Variants in VSTM2L observed in about 807,000 individuals in gnomAD.
VSTM2L encodes V-set and transmembrane domain containing 2 like, also known as V-set and transmembrane domain-containing protein 2-like protein.
VSTM2L carries 9 observed loss-of-function variants against 19.9 expected under a neutral mutation model. That is an observed-to-expected ratio of 0.45 (90% CI 0.27 to 0.79). The LOEUF (loss-of-function observed/expected upper bound fraction) is 0.79. VSTM2L is among the 30% of genes least tolerant of loss of function. The pLI is 0.15. For missense variants in VSTM2L, 286 were observed against 295.5 expected, an observed-to-expected ratio of 0.97 and a Z score of 0.24; for synonymous variants, 127 against 133.8, an observed-to-expected ratio of 0.95 and a Z score of 0.35.
intron 1 of VSTM2L, among the ~76,000 whole-genome samples, chr20:37,927,084 C>T (rs1049995034): frequency 3.9e-5 from 6 of 152,220 alleles, no homozygotes; most frequent in Admixed American, 3.9e-4. Context: ...CCTGCCTTAG[C>T]CTCCCAAGTA....
chr20:37,932,426 A>T (rs1048209720), intron 2 of VSTM2L, among the ~76,000 whole-genome samples: 2 of 151,968 alleles, frequency 1.3e-5, no homozygotes, highest in African/African-American at 4.8e-5. Flanking sequence ...TTTTCTCTGG[A>T]CACAAGAGCC....
At chr20:37,905,769 A>C (rs953969213) in intron 1 of VSTM2L, among the ~76,000 whole-genome samples, 2 of 152,178 alleles carry the variant, frequency 1.3e-5, no homozygotes, top group Non-Finnish European at 2.9e-5. Context: ...TGCCGTGCCA[A>C]GCACCCGCCA....
chr20:37,920,571 C>G (rs974220745), intron 1 of VSTM2L, among the ~76,000 whole-genome samples: 2 of 152,252 alleles, frequency 1.3e-5, no homozygotes, highest in African/African-American at 4.8e-5. Flanking sequence ...GGCCCCTCAG[C>G]TGGGCCAGGT....
At chr20:37,920,064 G>C (rs767541125) in intron 1 of VSTM2L, among the ~76,000 whole-genome samples, 1 of 152,184 alleles carries the variant, frequency 6.6e-6, no homozygotes, top group Non-Finnish European at 1.5e-5. Context: ...TGCTGGAAAA[G>C]GGCCAGGTAT....
At chr20:37,934,067 A>G (rs1263969084) in intron 3 of VSTM2L, among the ~76,000 whole-genome samples, 1 of 152,040 alleles carries the variant, frequency 6.6e-6, no homozygotes, top group Non-Finnish European at 1.5e-5. Flanking sequence ...CAATAGCCAC[A>G]CTCTGTAAGA....
At chr20:37,907,039 A>G (rs2072755224) in intron 1 of VSTM2L, among the ~76,000 whole-genome samples, 1 of 152,162 alleles carries the variant, frequency 6.6e-6, no homozygotes, top group South Asian at 2.1e-4. Context: ...ATTTTTTACA[A>G]TGCAGATCCC....
chr20:37,917,293 C>T (rs6021851), intron 1 of VSTM2L, among the ~76,000 whole-genome samples: 40,931 of 151,236 alleles, frequency 0.27, 7,157 homozygotes, highest in African/African-American at 0.5. Context: ...CCAACCTGGG[C>T]GACGGTGTGA....
At chr20:37,933,854 G>A (rs1449072190) in intron 3 of VSTM2L, among the ~76,000 whole-genome samples, 5 of 152,294 alleles carry the variant, frequency 3.3e-5, no homozygotes, top group South Asian at 4.1e-4. Context: ...TGGTGCCTTC[G>A]TGCTTGTCTC....
At position 37,908,145 on chromosome 20, in the gene VSTM2L, A is replaced by G. The variant is rs571488021; in HGVS notation, c.121+4674A>G. 2.0e-5 allele frequency among the ~76,000 whole-genome samples: 3 copies of G among 152,232 alleles called. No homozygotes were observed. The East Asian group carries it at 5.8e-4, about 29-fold the overall frequency. ...GGTTTTCCCCAAGTCCTTCACACCA[A>G]TTGGTTTTGACACCTTGCCCATCAG... is the stretch of plus-strand genomic sequence containing the variant. On this transcript the variant is annotated intron_variant, in intron 1 of 3. Coordinates refer to ENST00000373461, the MANE Select transcript of VSTM2L (RefSeq NM_080607.3).
chr20:37,944,311 C>A lies in VSTM2L; in HGVS notation c.*58C>A, dbSNP rs909641533. 1.5e-6 allele frequency: 2 copies of A among 1,371,220 alleles called. No homozygotes were observed. Among genetic ancestry groups the A allele is most frequent in the African/African-American group, 1.5e-5 (1 of 67,434 alleles). 84.9% of individuals were successfully genotyped at this position (1,371,220 alleles called of 1,614,324 possible). On this transcript the variant is annotated 3_prime_UTR_variant, in exon 4 of 4. Transcript: ENST00000373461. ...ACGCTGTACAGAGTGCATGAGGAGC[C>A]GCCGGACCACCGGGGACCGACTGCC...
Position 37,933,528 on chromosome 20 carries a change from G to T in VSTM2L, c.292-11G>T, listed in dbSNP as rs762203580. ...GTCTCTGCTCTCTCCGCCCCTCCCC[G>T]ATCCCAACAGCTAAAAGCATCTCAG... On this transcript the variant is annotated splice_polypyrimidine_tract_variant and intron_variant, in intron 2 of 3. Coordinates refer to ENST00000373461, the MANE Select transcript of VSTM2L (RefSeq NM_080607.3). 1 of 1,284,488 alleles carries T rather than the reference G, an allele frequency of 7.8e-7. No homozygotes were observed. Among genetic ancestry groups the T allele is most frequent in the South Asian group, 1.3e-5 (1 of 79,062 alleles). The allele number at this position is 1,284,488 out of a possible 1,614,324, so 79.6% of individuals were successfully genotyped here.
chr20:37,908,440 G>T (rs918480616), intron 1 of VSTM2L, among the ~76,000 whole-genome samples: 2 of 152,182 alleles, frequency 1.3e-5, no homozygotes, highest in Non-Finnish European at 2.9e-5. Flanking sequence ...CAGAGACCCA[G>T]GGGCAAGGGA....
intron 1 of VSTM2L, among the ~76,000 whole-genome samples, chr20:37,907,807 C>T (rs1170499201): frequency 2.0e-5 from 3 of 152,242 alleles, no homozygotes; most frequent in South Asian, 2.1e-4. Context: ...TCTCTGTTGC[C>T]AGGAGGGACC....
chr20:37,926,697 C>T (rs545262996), intron 1 of VSTM2L, among the ~76,000 whole-genome samples: 16 of 152,312 alleles, frequency 1.1e-4, no homozygotes, highest in African/African-American at 3.6e-4. Flanking sequence ...TGGACTTGGG[C>T]GTCACAGAGG....
chr20:37,910,105 T>C (rs901567139), intron 1 of VSTM2L, among the ~76,000 whole-genome samples: 4 of 152,242 alleles, frequency 2.6e-5, no homozygotes, highest in Non-Finnish European at 4.4e-5. Context: ...GGAGAGATGA[T>C]TTTAGGCAGA....
chr20:37,914,975 GT>G (rs1486785218), intron 1 of VSTM2L, among the ~76,000 whole-genome samples: 1 of 152,188 alleles, frequency 6.6e-6, no homozygotes, highest in Non-Finnish European at 1.5e-5. Context: ...GCTTTGTGAG[GT>G]TTTAAAAAAA....
intron 1 of VSTM2L, among the ~76,000 whole-genome samples, chr20:37,923,414 A>G (rs2072863121): frequency 6.6e-6 from 1 of 151,928 alleles, no homozygotes; most frequent in East Asian, 1.9e-4. Context: ...AATACATCGC[A>G]CCCCCAATTA....
Position 37,944,160 on chromosome 20 carries a change from C to G in VSTM2L, c.522C>G (p.Pro174=). 9.5e-6 allele frequency: 15 copies of G among 1,575,352 alleles called. No homozygotes were observed. Among genetic ancestry groups the G allele is most frequent in the Non-Finnish European group, 1.3e-5 (15 of 1,159,582 alleles). The part of the protein sequence containing the change: ...QPGENSVLHL[P]EAPPAAPAPP... Reference sequence around the variant, plus strand: ...GGGAGAACTCCGTCCTGCATCTGCCCGAAGCCCCTCCCGCCGCGCCCGCCC... The same window carrying G: ...GGGAGAACTCCGTCCTGCATCTGCCGGAAGCCCCTCCCGCCGCGCCCGCCC... The change falls in exon 4 of 4, where the codon CCC becomes CCG. Residue 174 remains proline (P), a synonymous_variant. Coordinates refer to ENST00000373461, the MANE Select transcript of VSTM2L (RefSeq NM_080607.3).
intron 3 of VSTM2L, among the ~76,000 whole-genome samples, chr20:37,934,874 T>A (rs2072930703): frequency 6.6e-6 from 1 of 152,100 alleles, no homozygotes; most frequent in Non-Finnish European, 1.5e-5. Context: ...CAGGGCACAG[T>A]TGGGGTCTGA....
Sources: allele counts gnomAD v4.1 joint callset (sites outside exome capture counted in the v4.1 genomes callset), GRCh38; gene constraint gnomAD v4.1.1; transcripts MANE v1.5; gene names NCBI Gene and HGNC (gene_info 2026-07-23, HGNC 2026-07-21).